The following PI4KB variants were observed in gnomAD, a reference collection of about 807,000 sequenced individuals.
PI4KB encodes the protein PtdIns 4-kinase beta.
Under a neutral mutation model 81.4 loss-of-function variants are expected in PI4KB, and 23 were observed. That is an observed-to-expected ratio of 0.28 (90% CI 0.20 to 0.40). The LOEUF (loss-of-function observed/expected upper bound fraction) is 0.40. Ranked by LOEUF, PI4KB falls within the 10% of genes least tolerant of loss-of-function variation. PI4KB has a pLI of 1.00. For synonymous variants in PI4KB, 381 were observed against 406.8 expected (o/e 0.94, Z 0.76); for missense variants, 651 against 1,036.6 (o/e 0.63, Z 5.11).
intron 7 of PI4KB, 72 bp downstream of exon 7, chr1:151,302,122 A>T: frequency 6.5e-7 from 1 of 1,532,802 alleles, no homozygotes; most frequent in Non-Finnish European, 9.0e-7. Context: ...ATGGACAATA[A>T]AGTTGGTGCA....
intron 2 of PI4KB, 30 bp from the exon 3 acceptor site, chr1:151,310,285 AGGAGGGGGTGGGAAGGGAGG>A: frequency 1.5e-6 from 1 of 677,090 alleles, no homozygotes; most frequent in Non-Finnish European, 2.5e-6. Flanking sequence ...CAAAGGGAGA[AGGAGGGGGTGGGAAGGGAGG>A]GGAGAGAGAC....
chr1:151,299,172 A>T, intron 8 of PI4KB, 99 bp from the exon 9 acceptor site: 2 of 1,095,358 alleles, frequency 1.8e-6, no homozygotes, highest in Non-Finnish European at 2.7e-6. Context: ...CCTTGGTAGC[A>T]TTGAATTCTA....
chr1:151,304,941 T>A (rs1029552319), intron 5 of PI4KB, among the ~76,000 whole-genome samples: 2 of 151,328 alleles, frequency 1.3e-5, no homozygotes, highest in African/African-American at 4.9e-5. Flanking sequence ...ATAATTCTAC[T>A]GCCTCAGCCT....
intron 1 of PI4KB, among the ~76,000 whole-genome samples, chr1:151,324,117 A>G (rs775521696): frequency 2.6e-5 from 4 of 152,062 alleles, no homozygotes; most frequent in Middle Eastern, 3.4e-3. Context: ...CACCTGGCTA[A>G]TTTTTGTATT....
At chr1:151,293,822 C>A (rs781099372) in intron 11 of PI4KB, 196 bp downstream of exon 11, 6 of 574,112 alleles carry the variant, frequency 1.0e-5, no homozygotes, top group Admixed American at 3.5e-5. Context: ...CCTTCCCCAG[C>A]CTTCTGGACT....
At chr1:151,309,348 G>A (rs1410425740) in intron 3 of PI4KB, among the ~76,000 whole-genome samples, 3 of 152,078 alleles carry the variant, frequency 2.0e-5, no homozygotes, top group East Asian at 1.9e-4. Flanking sequence ...CCTAAGTTAC[G>A]TGAGCATGTT....
intron 9 of PI4KB, 192 bp downstream of exon 9, chr1:151,298,616 C>G: frequency 1.5e-6 from 1 of 678,086 alleles, no homozygotes; most frequent in Non-Finnish European, 2.5e-6. Flanking sequence ...TTTCTTTGCC[C>G]TTTTACCCTA....
At chr1:151,319,864 C>T (rs1648584396) in intron 1 of PI4KB, among the ~76,000 whole-genome samples, 1 of 152,174 alleles carries the variant, frequency 6.6e-6, no homozygotes, top group African/African-American at 2.4e-5. Context: ...AGTTGGAATA[C>T]AGGTAATTTC....
In PI4KB at chr1:151,315,740, C is replaced by G. The variant is rs1217912545; in HGVS notation, c.742G>C (p.Ala248Pro). 1 of 1,613,892 alleles carries G rather than the reference C, an allele frequency of 6.2e-7. No individual in the cohort carries two copies. Residue 248 changes from alanine to proline, a missense_variant, in exon 2 of 12, where the codon GCT becomes CCT. Coordinates refer to ENST00000368873, the MANE Select transcript of PI4KB (RefSeq NM_001369623.2). ...GAGGGCAGCTCCCTCTTCCTGTGAG[C>G]TGGCTTTAGCTCATCTGAGAGGATC... ...KLILSDELKP[A>P]HRKRELPSLS...
In PI4KB at chr1:151,316,395, C is replaced by T; in HGVS notation, c.87G>A (p.Leu29=). 1 of 1,600,044 alleles carries T rather than the reference C, an allele frequency of 6.2e-7. No homozygotes were observed. Among genetic ancestry groups the T allele is most frequent in the Non-Finnish European group, 8.5e-7 (1 of 1,172,920 alleles). Residue 29 remains leucine, a synonymous_variant, in exon 2 of 12, where the codon CTG becomes CTA. Coordinates refer to ENST00000368873, the MANE Select transcript of PI4KB (RefSeq NM_001369623.2). ...SGPPGNNGGS[L]LSVITEGVGE... ...CGACCCCCTCCGTGATGACACTTAG[C>T]AGGGACCCCCCATTATTCCCTGGTG...
intron 9 of PI4KB, among the ~76,000 whole-genome samples, chr1:151,297,149 G>A (rs1397026167): frequency 6.6e-6 from 1 of 151,882 alleles, no homozygotes; most frequent in African/African-American, 2.4e-5. Context: ...GTTTAGACAG[G>A]GTCTCACTCT....
intron 1 of PI4KB, among the ~76,000 whole-genome samples, chr1:151,322,694 T>C (rs2102019795): frequency 6.6e-6 from 1 of 152,342 alleles, no homozygotes; most frequent in South Asian, 2.1e-4. Context: ...TTTCCTCCTT[T>C]TAAAGGATCC....
chr1:151,307,900 A>G, intron 3 of PI4KB, 99 bp from the exon 4 acceptor site: 3 of 870,662 alleles, frequency 3.4e-6, no homozygotes, highest in Non-Finnish European at 5.6e-6. Flanking sequence ...CGGGGACCCC[A>G]CTATCTGGAG....
chr1:151,309,733 T>C (rs1366452713), intron 3 of PI4KB, among the ~76,000 whole-genome samples: 1 of 152,040 alleles, frequency 6.6e-6, no homozygotes, highest in East Asian at 1.9e-4. Context: ...TCAGGCCAAG[T>C]CCTATTTGTT....
intron 1 of PI4KB, among the ~76,000 whole-genome samples, chr1:151,326,583 G>A (rs1336462609): frequency 6.6e-6 from 1 of 152,198 alleles, no homozygotes; most frequent in Non-Finnish European, 1.5e-5. Flanking sequence ...GAGGGAGAAA[G>A]AGAAGCTAAA....
At chr1:151,308,016 T>C (rs1695929178) in intron 3 of PI4KB, among the ~76,000 whole-genome samples, 1 of 152,150 alleles carries the variant, frequency 6.6e-6, no homozygotes, top group Admixed American at 6.5e-5. Context: ...AGGCTATCCC[T>C]TGAGGGTAAG....
At chr1:151,305,013 G>C (rs1348316856) in intron 5 of PI4KB, among the ~76,000 whole-genome samples, 1 of 151,004 alleles carries the variant, frequency 6.6e-6, no homozygotes, top group Non-Finnish European at 1.5e-5. Context: ...TATTTTTAGT[G>C]GAGACGGGGT....
At chr1:151,320,134 T>C (rs1648635497) in intron 1 of PI4KB, among the ~76,000 whole-genome samples, 1 of 152,182 alleles carries the variant, frequency 6.6e-6, no homozygotes, top group African/African-American at 2.4e-5. Context: ...CCCGGGTTCA[T>C]GCCATTCTCC....
chr1:151,327,132 A>C, intron 1 of PI4KB, 139 bp downstream of exon 1: 49 of 370,882 alleles, frequency 1.3e-4, no homozygotes, highest in Non-Finnish European at 1.2e-4. Flanking sequence ...TGGAGAAGGA[A>C]CCCGGGGTGC....
Sources: allele counts gnomAD v4.1 joint callset (sites outside exome capture counted in the v4.1 genomes callset), GRCh38; gene constraint gnomAD v4.1.1; transcripts MANE v1.5; gene names NCBI Gene and HGNC (gene_info 2026-07-23, HGNC 2026-07-21).